WWOX: variants seen among roughly 807,000 people sequenced by gnomAD.
The protein encoded by WWOX is WW domain-containing oxidoreductase.
Under a neutral mutation model 46.2 loss-of-function variants are expected in WWOX, and 69 were observed. That is an observed-to-expected ratio of 1.49 (90% CI 1.23 to 1.82). WWOX has a LOEUF of 1.82. Among genes scored for constraint, WWOX ranks in the 40% most tolerant of loss-of-function variants. WWOX has a pLI of 0.00. For missense variants in WWOX, 919 were observed against 542.6 expected, an observed-to-expected ratio of 1.69 and a Z score of -6.89; for synonymous variants, 359 against 202.6, an observed-to-expected ratio of 1.77 and a Z score of -6.56.
intron 4 of WWOX, among the ~76,000 whole-genome samples, chr16:78,133,848 G>A (rs1435029917): frequency 6.6e-6 from 1 of 152,228 alleles, no homozygotes; most frequent in Non-Finnish European, 1.5e-5. Context: ...ATACCTGCAA[G>A]GCTGAGCTGA....
intron 5 of WWOX, among the ~76,000 whole-genome samples, chr16:78,383,303 G>C (rs879841981): frequency 2.0e-5 from 3 of 152,124 alleles, no homozygotes; most frequent in Non-Finnish European, 4.4e-5. Context: ...ATGTATGTAA[G>C]ATGTATATAT....
chr16:78,708,177 C>T (rs891243530), intron 8 of WWOX, among the ~76,000 whole-genome samples: 2 of 152,124 alleles, frequency 1.3e-5, no homozygotes, highest in African/African-American at 4.8e-5. Flanking sequence ...AGTGGTAGAG[C>T]AAGACCCTGT....
chr16:78,478,193 T>C (rs773384699), intron 8 of WWOX, among the ~76,000 whole-genome samples: 1 of 152,324 alleles, frequency 6.6e-6, no homozygotes, highest in Middle Eastern at 3.4e-3. Context: ...AGGATATAAA[T>C]GATAAATACA....
At chr16:78,758,629 G>A (rs200507348) in intron 8 of WWOX, among the ~76,000 whole-genome samples, 7 of 152,042 alleles carry the variant, frequency 4.6e-5, no homozygotes, top group Admixed American at 2.0e-4. Flanking sequence ...TGTCCTTCCC[G>A]TTCTACAGCA....
intron 5 of WWOX, among the ~76,000 whole-genome samples, chr16:78,220,606 A>G (rs568060805): frequency 6.6e-6 from 1 of 152,326 alleles, no homozygotes; most frequent in African/African-American, 2.4e-5. Context: ...GCTAGCGAAA[A>G]TTGAACATTT....
intron 8 of WWOX, among the ~76,000 whole-genome samples, chr16:78,714,963 A>G (rs1269388186): frequency 6.6e-6 from 1 of 152,192 alleles, no homozygotes. Flanking sequence ...CATGCGGCTG[A>G]GGACAACACT....
At chr16:79,012,333 A>C (rs547164737) in intron 8 of WWOX, among the ~76,000 whole-genome samples, 1 of 152,192 alleles carries the variant, frequency 6.6e-6, no homozygotes, top group East Asian at 1.9e-4. Context: ...CCTGGATTCA[A>C]GTAATTCTCC....
At chr16:79,059,548 T>A (rs189996053) in intron 8 of WWOX, among the ~76,000 whole-genome samples, 221 of 152,330 alleles carry the variant, frequency 1.5e-3, no homozygotes, top group Non-Finnish European at 2.3e-3. Flanking sequence ...TGGAGTGCAA[T>A]GGCGCGATCT....
At chr16:78,103,954 C>T (rs1254289905) in intron 1 of WWOX, among the ~76,000 whole-genome samples, 2 of 152,020 alleles carry the variant, frequency 1.3e-5, no homozygotes, top group South Asian at 2.1e-4. Context: ...AGGGTGGGCT[C>T]CCAGGGGTGA....
At chr16:78,546,836 C>T (rs113187409) in intron 8 of WWOX, among the ~76,000 whole-genome samples, 38 of 152,230 alleles carry the variant, frequency 2.5e-4, no homozygotes, top group African/African-American at 8.4e-4. Context: ...TTAAGAACTA[C>T]CAGACCTGGG....
intron 8 of WWOX, among the ~76,000 whole-genome samples, chr16:79,167,485 C>T (rs562634077): frequency 8.5e-5 from 13 of 152,132 alleles, no homozygotes; most frequent in Non-Finnish European, 1.6e-4. Context: ...AAGGAGCTGG[C>T]ATCTCTGGTG....
chr16:79,136,389 C>G (rs1411892758), intron 8 of WWOX, among the ~76,000 whole-genome samples: 1 of 152,116 alleles, frequency 6.6e-6, no homozygotes, highest in Non-Finnish European at 1.5e-5. Context: ...CACCATCACA[C>G]CCAGCTAATT....
chr16:78,529,941 G>C (rs1023216774), intron 8 of WWOX, among the ~76,000 whole-genome samples: 1 of 152,198 alleles, frequency 6.6e-6, no homozygotes, highest in Non-Finnish European at 1.5e-5. Context: ...TTTCCGTGTT[G>C]ATGAAGCAGG....
chr16:78,103,483 T>G (rs7204080), intron 1 of WWOX, among the ~76,000 whole-genome samples: 1 of 151,962 alleles, frequency 6.6e-6, no homozygotes, highest in African/African-American at 2.4e-5. Context: ...TGTCCGTCCC[T>G]GCTGGCCCTC....
At chr16:78,778,111 G>A (rs901285307) in intron 8 of WWOX, among the ~76,000 whole-genome samples, 3 of 151,658 alleles carry the variant, frequency 2.0e-5, no homozygotes, top group Middle Eastern at 3.5e-3. Flanking sequence ...CCTATCCCAA[G>A]GATGGGAAGT....
chr16:79,074,409 C>CTTTTTTTTTTTTTATTTTTT, intron 8 of WWOX, among the ~76,000 whole-genome samples: 1 of 30,974 alleles, frequency 3.2e-5, no homozygotes, highest in Non-Finnish European at 5.5e-5. Flanking sequence ...GTCACTAGTC[C>CTTTTTTTTTTTTTATTTTTT]TTTTTTTTTT....
At chr16:78,391,422 A>C (rs72796090) in intron 6 of WWOX, among the ~76,000 whole-genome samples, 1 of 152,228 alleles carries the variant, frequency 6.6e-6, no homozygotes, top group South Asian at 2.1e-4. Context: ...CACTTTCTCA[A>C]CTTGAGCAAG....
intron 6 of WWOX, among the ~76,000 whole-genome samples, chr16:78,398,628 A>G (rs1028345056): frequency 2.6e-5 from 4 of 152,186 alleles, no homozygotes; most frequent in African/African-American, 9.6e-5. Flanking sequence ...ATTTTACTTC[A>G]TTAAACTGAG....
chr16:78,633,826 A>T (rs942626355), intron 8 of WWOX, among the ~76,000 whole-genome samples: 26 of 150,928 alleles, frequency 1.7e-4, no homozygotes, highest in Non-Finnish European at 3.7e-4. Flanking sequence ...TCAAACGGGG[A>T]TTGGGACCTG....
Sources: gnomAD v4.1 joint callset for allele counts (sites outside exome capture counted in the v4.1 genomes callset) on GRCh38, gnomAD v4.1.1 for gene constraint, MANE v1.5 for transcripts, NCBI Gene and HGNC (gene_info 2026-07-23, HGNC 2026-07-21) for gene names.